HMG20B: variants seen among roughly 807,000 people sequenced by gnomAD.
HMG20B encodes the protein SWI/SNF-related matrix-associated actin-dependent regulator of chromatin subfamily E member 1-related.
HMG20B carries 24 observed loss-of-function variants against 41.6 expected under a neutral mutation model. That is an observed-to-expected ratio of 0.58 (90% confidence interval 0.42 to 0.81). The LOEUF (loss-of-function observed/expected upper bound fraction) is 0.81, where lower values mean the gene tolerates loss of function less well. Ranked by LOEUF, HMG20B falls within the 30% of genes least tolerant of loss-of-function variation. The pLI is 0.00. For synonymous variants in HMG20B, 251 were observed against 186.6 expected, an observed-to-expected ratio of 1.34 and a Z score of -2.81; for missense variants, 461 against 444.0, an observed-to-expected ratio of 1.04 and a Z score of -0.34.
Position 3,573,977 on chromosome 19 carries a change from AG to A in HMG20B, c.147+178del, listed in dbSNP as rs1336834614. The A allele has an allele frequency of 4.2e-6, 3 of 714,338 alleles. No homozygotes were observed. In the African/African-American group the frequency reaches 5.2e-5, roughly 12 times the overall value. 44.2% of individuals were successfully genotyped at this position (714,338 alleles called of 1,614,324 possible). A position where few individuals can be genotyped will look rare whatever the true frequency, so the allele number is the denominator to read the frequency against. ...CCCTGACAGGTCCTCTGCCACTCTA[AG>A]TCCAGGCCCCGCCCACCGCACAATG... is the stretch of plus-strand genomic sequence containing the variant. On this transcript the variant is annotated intron_variant, in intron 3 of 9. Transcript: ENST00000333651.
chr19:3,574,811 C>T (rs943377362), intron 4 of HMG20B, among the ~76,000 whole-genome samples: 1 of 152,022 alleles, frequency 6.6e-6, no homozygotes, highest in Non-Finnish European at 1.5e-5. Context: ...CTCCGCCTCC[C>T]GGCTTCAAGC....
rs11555662 is a variant in HMG20B, at chr19:3,578,018, C to A, written c.846C>A (p.Phe282Leu). 6 of 1,608,352 alleles carry A rather than the reference C, an allele frequency of 3.7e-6. No individual in the cohort carries two copies. Among genetic ancestry groups the A allele is most frequent in the South Asian group, 1.1e-5 (1 of 90,780 alleles). Residue 282 changes from phenylalanine (F) to leucine (L), a missense_variant, in exon 9 of 10, where the codon TTC becomes TTA. Around this residue, in one of 3 missense-constraint regions of HMG20B, gnomAD observed 308 missense variants for 283.4 expected, o/e 1.09. Coordinates refer to ENST00000333651, the MANE Select transcript of HMG20B (RefSeq NM_006339.3). Reference sequence around the variant, plus strand: ...CGCCCACGCTGGGCACTCTGGACTTCTACATGGCCCGGCTTCACGGAGCCA... The same window carrying A: ...CGCCCACGCTGGGCACTCTGGACTTATACATGGCCCGGCTTCACGGAGCCA... ...GETPTLGTLDFYMARLHGAIE... is the reference protein window; with the variant it reads ...GETPTLGTLDLYMARLHGAIE...
rs748718240 is a variant in HMG20B at position 3,576,648 on chromosome 19, A to T, written c.592+23A>T. 10 of 1,598,184 alleles carry T rather than the reference A, an allele frequency of 6.3e-6. No individual in the cohort carries two copies. In the Admixed American group the frequency reaches 1.5e-4, roughly 24 times the overall value. ...AAGGTGAGCGGTAACTGCGCTCCTG[A>T]TGCGAACTCCGTGAAACTGGGTGGT... On this transcript the variant is annotated intron_variant, in intron 7 of 9. Transcript: ENST00000333651.
chr19:3,573,813 G>C lies in HMG20B; in HGVS notation c.147+13G>C, dbSNP rs1459650267. The C allele has an allele frequency of 1.0e-5, 16 of 1,592,294 alleles. No homozygotes were observed. Among genetic ancestry groups the C allele is most frequent in the Non-Finnish European group, 1.4e-5 (16 of 1,171,456 alleles). ...CCACGAGGAGGAGGTGAGAGTCCCT[G>C]CGCTGAGCTGGGGGAGGCCCCGGGC... On this transcript the variant is annotated intron_variant, in intron 3 of 9. Transcript: ENST00000333651.
At chr19:3,576,352 T>C in intron 6 of HMG20B, 45 bp downstream of exon 6, 1 of 1,592,250 alleles carries the variant, frequency 6.3e-7, no homozygotes, top group Non-Finnish European at 8.6e-7. Flanking sequence ...GAGAAAGGTC[T>C]GGAGGCTTCT....
rs969105992 is a variant in HMG20B at position 3,578,706 on chromosome 19, C to T, written c.*185C>T. On this transcript the variant is annotated 3_prime_UTR_variant, in exon 10 of 10. Transcript: ENST00000333651. ...TTTAGCTTTCAATCTCCCCAGCCCC[C>T]TGAACCCGGAAAAAGCACTCGCTGC... The T allele has an allele frequency of 4.7e-6, 4 of 857,382 alleles. No homozygotes were observed. In the African/African-American group the frequency reaches 5.0e-5, roughly 11 times the overall value. 53.1% of individuals were successfully genotyped at this position (857,382 alleles called of 1,614,324 possible).
chr19:3,575,395 A>T, intron 4 of HMG20B, 145 bp from the exon 5 acceptor site: 1 of 1,366,268 alleles, frequency 7.3e-7, no homozygotes, highest in Non-Finnish European at 9.8e-7. Flanking sequence ...CAACAGGCTG[A>T]GGAGCCGGTT....
rs1285339291 is a variant in HMG20B at position 3,578,076 on chromosome 19, A to C, written c.904A>C (p.Ile302Leu). The change falls in exon 9 of 10, where the codon ATC (isoleucine) becomes CTC (leucine). Residue 302 changes from isoleucine to leucine, a missense_variant. Transcript: ENST00000333651. ...CGACCCCGCCCAGCACGAGAAGCTC[A>C]TCGTCCGCATCAAGGAAATCCTGGC... ...ERDPAQHEKL[I>L]VRIKEILAQV... 3 of 1,611,434 alleles carry C rather than the reference A, an allele frequency of 1.9e-6. No individual in the cohort carries two copies. Among genetic ancestry groups the C allele is most frequent in the Non-Finnish European group, 2.5e-6 (3 of 1,179,440 alleles).
chr19:3,576,667 G>T, intron 7 of HMG20B, 42 bp downstream of exon 7: 1 of 1,556,584 alleles, frequency 6.4e-7, no homozygotes, highest in Non-Finnish European at 8.8e-7. Context: ...CCGTGAAACT[G>T]GGTGGTAGAG....
At position 3,574,370 on chromosome 19, in the gene HMG20B, C is replaced by G. The variant is rs773717359; in HGVS notation, c.148-13C>G. On this transcript the variant is annotated splice_polypyrimidine_tract_variant and intron_variant, in intron 3 of 9. Coordinates refer to ENST00000333651, the MANE Select transcript of HMG20B (RefSeq NM_006339.3). ...CCAGGCCCCCCTCCCAACGACGCAG[C>G]CCGGTTCTGCAGCCGGTGAAGAAAC... The G allele has an allele frequency of 6.4e-7, 1 of 1,570,280 alleles. No homozygotes were observed. The highest frequency in any genetic ancestry group is 1.2e-5 in the South Asian group (1 of 85,678).
In HMG20B at chr19:3,577,094, A is replaced by G. The variant is rs997013516; in HGVS notation, c.795A>G (p.Ser265=). The G allele has an allele frequency of 9.1e-6, 14 of 1,534,918 alleles. No homozygotes were observed. Among genetic ancestry groups the G allele is most frequent in the African/African-American group, 2.8e-5 (2 of 72,560 alleles). Residue 265 remains serine, a synonymous_variant, in exon 8 of 10, where the codon TCA becomes TCG. Transcript: ENST00000333651. Reference sequence around the variant, plus strand: ...AGGCGCTCACCGCCAGCTTCGCCTCACTGCCGGTGCCGGGTGCGGGCCACG... The same window carrying G: ...AGGCGCTCACCGCCAGCTTCGCCTCGCTGCCGGTGCCGGGTGCGGGCCACG... The part of the protein sequence containing the change: ...VRQALTASFA[S]LPVPGTGETP...
rs142793072 is a variant in HMG20B, at chr19:3,573,251, A to T, written c.-18-41A>T. 32 of 1,476,526 alleles carry T rather than the reference A, an allele frequency of 2.2e-5. 1 individual carries two copies. Among genetic ancestry groups the T allele is most frequent in the Middle Eastern group, 1.9e-4 (1 of 5,254 alleles). The allele number at this position is 1,476,526 out of a possible 1,614,324, so 91.5% of individuals were successfully genotyped here. A position where few individuals can be genotyped will look rare whatever the true frequency, so the allele number is the denominator to read the frequency against. On this transcript the variant is annotated intron_variant, in intron 1 of 9. Transcript: ENST00000333651. ...CCCAGTTCGCGGTCTGCCATCGGGCAGCCCGGGCGCTACTCACCTCCGCCC... is the reference window on the plus strand; with the variant it reads ...CCCAGTTCGCGGTCTGCCATCGGGCTGCCCGGGCGCTACTCACCTCCGCCC...
chr19:3,578,638 TG>T lies in HMG20B; in HGVS notation c.*122del. On this transcript the variant is annotated 3_prime_UTR_variant, in exon 10 of 10. Transcript: ENST00000333651. ...TGGGGCCTGGTCCCATCCTGCACCT[TG>T]GGGGCTCCAGCCCCCCTAAAATTAA... 2 of 1,310,936 alleles carry T rather than the reference TG, an allele frequency of 1.5e-6. No individual in the cohort carries two copies. Among genetic ancestry groups the T allele is most frequent in the Non-Finnish European group, 2.2e-6 (2 of 928,768 alleles). The allele number at this position is 1,310,936 out of a possible 1,614,324, so 81.2% of individuals were successfully genotyped here.
At chr19:3,575,856 A>G in intron 5 of HMG20B, 196 bp downstream of exon 5, 3 of 507,486 alleles carry the variant, frequency 5.9e-6, no homozygotes, top group South Asian at 4.3e-5. Context: ...AGGCAGGAGA[A>G]TTGCTTGAAC....
chr19:3,577,165 C>T, intron 8 of HMG20B, 58 bp downstream of exon 8: 1 of 1,193,210 alleles, frequency 8.4e-7, no homozygotes, highest in Non-Finnish European at 1.1e-6. Flanking sequence ...GCCCGCCTCC[C>T]CCCCCCTCCT....
Position 3,576,991 on chromosome 19 carries a change from G to C in HMG20B, c.692G>C (p.Arg231Pro), listed in dbSNP as rs1263398394. The C allele has an allele frequency of 1.3e-6, 2 of 1,564,982 alleles. No individual in the cohort carries two copies. Among genetic ancestry groups the C allele is most frequent in the Non-Finnish European group, 1.7e-6 (2 of 1,156,358 alleles). The change falls in exon 8 of 10, where the codon CGC becomes CCC. Residue 231 changes from arginine to proline, a missense_variant. Coordinates refer to ENST00000333651, the MANE Select transcript of HMG20B (RefSeq NM_006339.3). ...CACACGCAGAGCATGAGCAGCGCGC[G>C]CGAGCGTCTGGAGCAGGAGCTGGCG... The part of the protein sequence containing the change: ...QRHTQSMSSA[R>P]ERLEQELALE...
intron 3 of HMG20B, 94 bp from the exon 4 acceptor site, chr19:3,574,289 C>T (rs1338865938): frequency 3.9e-6 from 2 of 515,154 alleles, no homozygotes; most frequent in African/African-American, 2.0e-5. Context: ...CCGCCCCCAT[C>T]CCCGCCCATA....
intron 7 of HMG20B, 105 bp from the exon 8 acceptor site, chr19:3,576,786 CA>C (rs2032170524): frequency 7.5e-6 from 10 of 1,331,488 alleles, no homozygotes; most frequent in Non-Finnish European, 1.0e-5. Context: ...GAGCAGGAGG[CA>C]GAGGGCGCAG....
At chr19:3,574,274 A>G (rs2032108061) in intron 3 of HMG20B, 109 bp from the exon 4 acceptor site, 1 of 925,474 alleles carries the variant, frequency 1.1e-6, no homozygotes. Flanking sequence ...CCTCCCAGCT[A>G]GGCCCCGCCC....
Sources: gnomAD v4.1 joint callset for allele counts (sites outside exome capture counted in the v4.1 genomes callset) on GRCh38, gnomAD v4.1.1 for gene constraint, gnomAD v4.1.1 regional missense constraint, MANE v1.5 for transcripts, NCBI Gene and HGNC (gene_info 2026-07-23, HGNC 2026-07-21) for gene names.